The following FOXO3 variants were observed in gnomAD, a reference collection of about 807,000 sequenced individuals.
FOXO3 encodes forkhead box protein O3.
In FOXO3, 4 loss-of-function variants were observed where a neutral mutation model predicts 41.9. The observed-to-expected ratio is 0.10, with a 90% CI of 0.05 to 0.22. FOXO3 has a LOEUF of 0.22. Ranked by LOEUF, FOXO3 falls within the 10% of genes least tolerant of loss-of-function variation. FOXO3 has a pLI of 1.00. For missense variants in FOXO3, 534 were observed against 906.8 expected, an observed-to-expected ratio of 0.59 and a Z score of 5.28; for synonymous variants, 318 against 389.3, an observed-to-expected ratio of 0.82 and a Z score of 2.16.
intron 2 of FOXO3, among the ~76,000 whole-genome samples, chr6:108,666,247 A>G (rs573935153): frequency 6.6e-6 from 1 of 152,320 alleles, no homozygotes; most frequent in African/African-American, 2.4e-5. Context: ...GCAACTAGGT[A>G]TACTGACAAA....
chr6:108,629,172 T>C (rs1282248766), intron 1 of FOXO3, among the ~76,000 whole-genome samples: 3 of 152,134 alleles, frequency 2.0e-5, no homozygotes, highest in Non-Finnish European at 4.4e-5. Context: ...TTAGTGGTGG[T>C]GGCGGTGTGG....
chr6:108,628,630 T>A (rs1390978760), intron 1 of FOXO3, among the ~76,000 whole-genome samples: 1 of 152,162 alleles, frequency 6.6e-6, no homozygotes, highest in Non-Finnish European at 1.5e-5. Flanking sequence ...GTCCAGTTGC[T>A]GAATCCAGGA....
At chr6:108,590,988 G>T (rs1158042462) in intron 1 of FOXO3, among the ~76,000 whole-genome samples, 1 of 152,130 alleles carries the variant, frequency 6.6e-6, no homozygotes, top group Non-Finnish European at 1.5e-5. Context: ...AGTTAATGAG[G>T]CAGAGTAGAC....
intron 1 of FOXO3, among the ~76,000 whole-genome samples, chr6:108,570,189 C>T (rs772235057): frequency 6.6e-6 from 1 of 151,682 alleles, no homozygotes; most frequent in African/African-American, 2.4e-5. Context: ...TTATTAGAGA[C>T]GGGGCTTCAC....
intron 1 of FOXO3, among the ~76,000 whole-genome samples, chr6:108,616,012 G>A (rs1777495540): frequency 6.7e-6 from 1 of 149,822 alleles, no homozygotes; most frequent in Non-Finnish European, 1.5e-5. Context: ...CTTTGAGAAT[G>A]AGTCTCACTC....
At position 108,561,790 on chromosome 6, in the gene FOXO3, C is replaced by G; in HGVS notation, c.582C>G (p.Phe194Leu). ...YEWMVRCVPY[F>L]KDKGDSNSSA... ...GGATGGTGCGTTGCGTGCCCTACTT[C>G]AAGGATAAGGGCGACAGCAACAGCT... The change falls in exon 1 of 3, where the codon TTC becomes TTG. Residue 194 changes from phenylalanine to leucine, a missense_variant. Phe to Leu is a conservative substitution (Grantham distance 22). Transcript: ENST00000406360. 6.3e-7 allele frequency: 1 copy of G among 1,598,622 alleles called. No individual in the cohort carries two copies. The highest frequency in any genetic ancestry group is 1.4e-5 in the African/African-American group (1 of 73,296).
chr6:108,583,710 A>G (rs1276775150), intron 1 of FOXO3, among the ~76,000 whole-genome samples: 1 of 152,158 alleles, frequency 6.6e-6, no homozygotes, highest in Non-Finnish European at 1.5e-5. Context: ...GGAATAAGGA[A>G]TTTGTTTGGC....
At chr6:108,599,588 GC>G (rs1325909248) in intron 1 of FOXO3, among the ~76,000 whole-genome samples, 1 of 152,148 alleles carries the variant, frequency 6.6e-6, no homozygotes, top group African/African-American at 2.4e-5. Context: ...AGCCATAGAG[GC>G]TTTCCCGGGC....
chr6:108,663,082 A>T (rs1329735215), intron 1 of FOXO3, among the ~76,000 whole-genome samples: 1 of 152,232 alleles, frequency 6.6e-6, no homozygotes, highest in African/African-American at 2.4e-5. Context: ...GCTTTAAAAA[A>T]TGAGGAGTTG....
At chr6:108,619,861 T>C (rs1325902771) in intron 1 of FOXO3, among the ~76,000 whole-genome samples, 2 of 152,204 alleles carry the variant, frequency 1.3e-5, no homozygotes. Flanking sequence ...ATTTGGCGTG[T>C]CTTAATGCCT....
At chr6:108,652,053 A>G (rs1778560372) in intron 1 of FOXO3, among the ~76,000 whole-genome samples, 1 of 152,180 alleles carries the variant, frequency 6.6e-6, no homozygotes, top group Admixed American at 6.5e-5. Context: ...TGGCTTGAGG[A>G]TCCGTAACGT....
chr6:108,618,012 T>TCC (rs1777563964), intron 1 of FOXO3: 2 of 644,994 alleles, frequency 3.1e-6, no homozygotes, highest in Non-Finnish European at 5.8e-6. Flanking sequence ...AGTAGACACC[T>TCC]CCCATCTGCT....
At chr6:108,604,029 G>A (rs1413197598) in intron 1 of FOXO3, among the ~76,000 whole-genome samples, 1 of 152,108 alleles carries the variant, frequency 6.6e-6, no homozygotes, top group Non-Finnish European at 1.5e-5. Flanking sequence ...ATATGGTATT[G>A]AGGATGATCA....
chr6:108,565,227 G>C (rs1382887084), intron 1 of FOXO3, among the ~76,000 whole-genome samples: 1 of 152,206 alleles, frequency 6.6e-6, no homozygotes, highest in Non-Finnish European at 1.5e-5. Flanking sequence ...AAAGAGGTAA[G>C]AAGGATAGCA....
At chr6:108,587,804 C>A (rs1776624976) in intron 1 of FOXO3, among the ~76,000 whole-genome samples, 1 of 152,180 alleles carries the variant, frequency 6.6e-6, no homozygotes, top group Admixed American at 6.5e-5. Flanking sequence ...GAACCTGGAA[C>A]TTTTCTTTTG....
At chr6:108,578,169 T>C (rs1009013540) in intron 1 of FOXO3, among the ~76,000 whole-genome samples, 2 of 152,192 alleles carry the variant, frequency 1.3e-5, no homozygotes, top group Non-Finnish European at 2.9e-5. Flanking sequence ...CAGCATCACA[T>C]AGGAACTTTC....
chr6:108,562,261 G>T (rs147128818), intron 1 of FOXO3, among the ~76,000 whole-genome samples: 8 of 152,116 alleles, frequency 5.3e-5, no homozygotes, highest in African/African-American at 1.9e-4. Context: ...GGAGGGGTTG[G>T]ATGTGTGGTT....
At chr6:108,578,207 T>TC (rs919267233) in intron 1 of FOXO3, among the ~76,000 whole-genome samples, 28 of 152,240 alleles carry the variant, frequency 1.8e-4, no homozygotes, top group African/African-American at 6.7e-4. Flanking sequence ...TCACGCAGAT[T>TC]CTCAGGCTTA....
At chr6:108,628,335 A>T (rs890309608) in intron 1 of FOXO3, among the ~76,000 whole-genome samples, 2 of 152,112 alleles carry the variant, frequency 1.3e-5, no homozygotes, top group Non-Finnish European at 2.9e-5. Flanking sequence ...TGACAAAATT[A>T]CCTCCATGTA....
Sources: allele counts gnomAD v4.1 joint callset (sites outside exome capture counted in the v4.1 genomes callset), GRCh38; gene constraint gnomAD v4.1.1; transcripts MANE v1.5; gene names NCBI Gene and HGNC (gene_info 2026-07-23, HGNC 2026-07-21).